The following WDFY4 variants were observed in gnomAD, a reference collection of about 807,000 sequenced individuals.
WDFY4 encodes the protein WDFY family member 4, also known as WD repeat- and FYVE domain-containing protein 4.
In WDFY4, 169 loss-of-function variants were observed where a neutral mutation model predicts 351.9. The observed-to-expected ratio is 0.48, with a 90% confidence interval of 0.42 to 0.55. The LOEUF is 0.55. Ranked by LOEUF, WDFY4 falls within the 20% of genes least tolerant of loss-of-function variation. The pLI, the probability that WDFY4 is intolerant of heterozygous loss-of-function variation, is 0.00. For missense variants in WDFY4, 3,803 were observed against 3,935.6 expected, an observed-to-expected ratio of 0.97 and a Z score of 0.90; for synonymous variants, 1,622 against 1,574.6, an observed-to-expected ratio of 1.03 and a Z score of -0.71.
chr10:48,907,630 A>G (rs1281618657), intron 47 of WDFY4, among the ~76,000 whole-genome samples: 1 of 152,194 alleles, frequency 6.6e-6, no homozygotes, highest in Non-Finnish European at 1.5e-5. Flanking sequence ...CATGTTAATT[A>G]ACCACACCCC....
intron 12 of WDFY4, among the ~76,000 whole-genome samples, chr10:48,750,821 T>C (rs1399195976): frequency 6.6e-6 from 1 of 152,262 alleles, no homozygotes; most frequent in Non-Finnish European, 1.5e-5. Context: ...TGAAATAAGA[T>C]GGTGTTCAAA....
At chr10:48,972,355 T>A (rs1485815416) in intron 57 of WDFY4, among the ~76,000 whole-genome samples, 1 of 152,168 alleles carries the variant, frequency 6.6e-6, no homozygotes, top group African/African-American at 2.4e-5. Context: ...GACAAACAAT[T>A]CTCTACCATC....
At chr10:48,819,627 T>C (rs1409643422) in intron 32 of WDFY4, among the ~76,000 whole-genome samples, 2 of 152,178 alleles carry the variant, frequency 1.3e-5, no homozygotes, top group Admixed American at 6.5e-5. Flanking sequence ...CCCTGTCTCG[T>C]TGATCTCCCA....
intron 2 of WDFY4, 54 bp from the exon 3 acceptor site, chr10:48,719,957 C>T: frequency 2.0e-6 from 3 of 1,490,606 alleles, no homozygotes; most frequent in Non-Finnish European, 2.7e-6. Flanking sequence ...AGGCAGTGCT[C>T]ATGCCCTGCT....
At position 48,981,478 on chromosome 10, in the gene WDFY4, G is replaced by A. The variant is rs923444434; in HGVS notation, c.9488G>A (p.Arg3163Lys). 2.6e-6 allele frequency: 4 copies of A among 1,551,384 alleles called. No individual in the cohort carries two copies. The African/African-American group carries it at 4.1e-5, about 16-fold the overall frequency. Reference sequence around the variant, plus strand: ...GCAGTGACTGCTCTGGCCGTGTCCAGGTAAGCGCGGCCTTGTTTCTCTGGG... The same window carrying A: ...GCAGTGACTGCTCTGGCCGTGTCCAAGTAAGCGCGGCCTTGTTTCTCTGGG... ...SPAVTALAVS[R>K]NHTKLLVGDE... Residue 3163 changes from arginine (R) to lysine (K), a missense_variant and splice_region_variant, in exon 61 of 62, where the codon AGA becomes AAA. This residue lies in a region of WDFY4 where 3,054 missense variants were observed against 3,148.6 expected (regional missense o/e 0.97). Transcript: ENST00000325239.
At chr10:48,825,808 G>T (rs575490496) in intron 35 of WDFY4, among the ~76,000 whole-genome samples, 19 of 151,618 alleles carry the variant, frequency 1.3e-4, no homozygotes, top group Non-Finnish European at 2.5e-4. Context: ...GGGGTCGTTT[G>T]GTTTTTTCTT....
At position 48,787,909 on chromosome 10, in the gene WDFY4, C is replaced by CT. The variant is rs1565198732; in HGVS notation, c.3809-619dup. 1.7e-3 allele frequency among the ~76,000 whole-genome samples: 65 copies of CT among 37,762 alleles called. 1 individual carries two copies. Among genetic ancestry groups the CT allele is most frequent in the Middle Eastern group, 9.6e-3 (1 of 104 alleles). 24.8% of individuals were successfully genotyped at this position (37,762 alleles called of 152,430 possible). The stretch of plus-strand genomic sequence containing the variant: ...TCTTCTTCTCCTTCTTCTTCTTCTT[C>CT]TTCTTCTTCTTCTTCTTCTTCTTCT... On this transcript the variant is annotated intron_variant, in intron 20 of 61. Coordinates refer to ENST00000325239, the MANE Select transcript of WDFY4 (RefSeq NM_001394531.1).
intron 44 of WDFY4, 125 bp downstream of exon 44, chr10:48,890,852 C>A: frequency 7.4e-7 from 1 of 1,360,076 alleles, no homozygotes; most frequent in Non-Finnish European, 1.0e-6. Flanking sequence ...GAAACTGAGC[C>A]ATGAGATAAA....
At chr10:48,919,388 C>A (rs992934124) in intron 47 of WDFY4, among the ~76,000 whole-genome samples, 1 of 152,156 alleles carries the variant, frequency 6.6e-6, no homozygotes, top group African/African-American at 2.4e-5. Context: ...ATGGAATTCA[C>A]GGTTGAAACC....
In WDFY4 at chr10:48,731,302, C is replaced by T. The variant is rs368232022; in HGVS notation, c.1322C>T (p.Pro441Leu). The T allele has an allele frequency of 2.8e-4, 437 of 1,551,912 alleles. 2 individuals are homozygous for T. The highest frequency in any genetic ancestry group is 3.5e-4 in the Non-Finnish European group (405 of 1,147,032). Residue 441 changes from proline to leucine, a missense_variant, in exon 9 of 62, where the codon CCG (proline) becomes CTG (leucine). Transcript: ENST00000325239. ...TTTGTAGAGATCATGCCCCTGAAGCCGGCCCCAGTGCAGGAACACTTCTTC... is the reference window on the plus strand; with the variant it reads ...TTTGTAGAGATCATGCCCCTGAAGCTGGCCCCAGTGCAGGAACACTTCTTC... Reference protein sequence around the residue: ...SQFVEIMPLKPAPVQEHFFQL... With the variant: ...SQFVEIMPLKLAPVQEHFFQL...
chr10:48,902,485 T>G (rs538710795), intron 47 of WDFY4, among the ~76,000 whole-genome samples: 1 of 152,170 alleles, frequency 6.6e-6, no homozygotes, highest in Admixed American at 6.5e-5. Flanking sequence ...TGGGGACCAA[T>G]CAAGAGGGTG....
At chr10:48,973,557 A>C (rs1450663955) in intron 57 of WDFY4, among the ~76,000 whole-genome samples, 5 of 152,252 alleles carry the variant, frequency 3.3e-5, no homozygotes, top group African/African-American at 1.2e-4. Context: ...ACCACTTGGT[A>C]AGCCAGGCCA....
chr10:48,778,874 G>A (rs2132646332), intron 18 of WDFY4, 42 bp downstream of exon 18: 3 of 1,538,904 alleles, frequency 1.9e-6, no homozygotes, highest in East Asian at 2.4e-5. Flanking sequence ...CCACATGTGG[G>A]GGAAATGGGG....
At position 48,780,104 on chromosome 10, in the gene WDFY4, C is replaced by A; in HGVS notation, c.3561C>A (p.Val1187=). ...TTTCCACCTGTCTGGATGGACAGGT[C>A]ATTGGCTCTGCCAAGGTGAGATGGC... The part of the protein sequence containing the change: ...CTVSTCLDGQ[V]IGSAKMLYIQ... The change falls in exon 19 of 62, where the codon GTC becomes GTA. Residue 1187 remains valine, a synonymous_variant. Transcript: ENST00000325239. 1 of 1,551,986 alleles carries A rather than the reference C, an allele frequency of 6.4e-7. No individual in the cohort carries two copies. The highest frequency in any genetic ancestry group is 1.2e-5 in the South Asian group (1 of 84,028).
intron 51 of WDFY4, among the ~76,000 whole-genome samples, chr10:48,955,800 C>G (rs1253673200): frequency 6.6e-6 from 1 of 152,190 alleles, no homozygotes; most frequent in Non-Finnish European, 1.5e-5. Flanking sequence ...TGGGTAAATG[C>G]AGAGGGAGAC....
intron 39 of WDFY4, among the ~76,000 whole-genome samples, chr10:48,839,291 A>G (rs1460550145): frequency 6.6e-6 from 1 of 152,268 alleles, no homozygotes; most frequent in African/African-American, 2.4e-5. Flanking sequence ...TTCTTCTGAA[A>G]AAGAGTTAAA....
intron 1 of WDFY4, among the ~76,000 whole-genome samples, chr10:48,704,551 G>A (rs2063571167): frequency 1.3e-5 from 2 of 152,188 alleles, no homozygotes; most frequent in South Asian, 2.1e-4. Flanking sequence ...AAGCCCACCT[G>A]TCCAAGAACC....
intron 20 of WDFY4, 89 bp downstream of exon 20, chr10:48,786,959 G>A (rs1328407672): frequency 7.5e-6 from 9 of 1,205,184 alleles, no homozygotes; most frequent in Admixed American, 2.2e-5. Flanking sequence ...CAGAGAATAA[G>A]CTCAGCGTTA....
chr10:48,947,779 G>T (rs1352376719), intron 51 of WDFY4, among the ~76,000 whole-genome samples: 2 of 152,194 alleles, frequency 1.3e-5, no homozygotes, highest in Non-Finnish European at 2.9e-5. Flanking sequence ...CGGGGAGATA[G>T]CCCTCAGATA....
Sources: allele counts gnomAD v4.1 joint callset (sites outside exome capture counted in the v4.1 genomes callset), GRCh38; gene constraint gnomAD v4.1.1; regional missense constraint gnomAD v4.1.1; transcripts MANE v1.5; gene names NCBI Gene and HGNC (gene_info 2026-07-23, HGNC 2026-07-21).